The following GALNT13 variants were observed in gnomAD, a reference collection of about 807,000 sequenced individuals.
GALNT13 encodes polypeptide N-acetylgalactosaminyltransferase 13, also known as UDP-GalNAc:polypeptide N-acetylgalactosaminyltransferase 13.
GALNT13 carries 28 observed loss-of-function variants against 64.2 expected under a neutral mutation model. The ratio of observed to expected loss-of-function variants is 0.44; its 90% CI spans 0.32 to 0.60. The LOEUF is 0.60. GALNT13 is among the 20% of genes least tolerant of loss of function. The pLI, the probability that GALNT13 is intolerant of heterozygous loss-of-function variation, is 0.05. For missense variants in GALNT13, 577 were observed against 669.8 expected (o/e 0.86, Z 1.53); for synonymous variants, 214 against 224.6 (o/e 0.95, Z 0.42).
chr2:153,963,711 GTC>G (rs71396373), intron 3 of GALNT13, among the ~76,000 whole-genome samples: 7,541 of 126,726 alleles, frequency 0.06, 345 homozygotes, highest in Non-Finnish European at 0.073. Flanking sequence ...CTGTCTCTCC[GTC>G]TCTCTCTCTC....
At chr2:154,014,125 AT>A (rs1696833369) in intron 3 of GALNT13, among the ~76,000 whole-genome samples, 3 of 152,172 alleles carry the variant, frequency 2.0e-5, no homozygotes. Flanking sequence ...TGTCACCCAA[AT>A]GCAAAAGCCA....
intron 9 of GALNT13, among the ~76,000 whole-genome samples, chr2:154,365,050 A>C (rs1477946812): frequency 2.6e-5 from 4 of 152,206 alleles, no homozygotes; most frequent in South Asian, 2.1e-4. Context: ...CACCTACTAG[A>C]CAAACTAGTT....
the GALNT13 span, among the ~76,000 whole-genome samples, chr2:153,269,338 T>A: frequency 6.6e-6 from 1 of 152,170 alleles, no homozygotes. Flanking sequence ...CAAAGACAGA[T>A]CTCTAGAGCA....
the GALNT13 span, among the ~76,000 whole-genome samples, chr2:153,772,212 G>A: frequency 6.6e-6 from 1 of 152,166 alleles, no homozygotes; most frequent in African/African-American, 2.4e-5. Context: ...AGTGGCTGCC[G>A]CTTCCAGGTC....
chr2:153,661,784 A>G, the GALNT13 span, among the ~76,000 whole-genome samples: 47 of 152,302 alleles, frequency 3.1e-4, no homozygotes, highest in South Asian at 9.5e-3. Flanking sequence ...TTTATCTTTA[A>G]TACCTTTATA....
intron 9 of GALNT13, among the ~76,000 whole-genome samples, chr2:154,386,701 TGCAGACTGTTCAGTCTG>T (rs1433607231): frequency 1.3e-5 from 2 of 152,150 alleles, no homozygotes; most frequent in Non-Finnish European, 2.9e-5. Context: ...TTTGATAGCC[TGCAGACTGTTCAGTCTG>T]TGTTTGTCTC....
intron 4 of GALNT13, among the ~76,000 whole-genome samples, chr2:154,158,962 T>C (rs1030493416): frequency 2.0e-5 from 3 of 152,096 alleles, no homozygotes; most frequent in African/African-American, 7.2e-5. Flanking sequence ...ACTCCCTTAT[T>C]CTGGTATATT....
intron 1 of GALNT13, among the ~76,000 whole-genome samples, chr2:153,880,823 C>T (rs1463868564): frequency 1.4e-5 from 2 of 143,366 alleles, no homozygotes; most frequent in African/African-American, 5.4e-5. Flanking sequence ...TTTCTTTGCT[C>T]CATATCTTGT....
chr2:153,349,119 C>A, the GALNT13 span, among the ~76,000 whole-genome samples: 2 of 152,094 alleles, frequency 1.3e-5, no homozygotes, highest in South Asian at 4.1e-4. Flanking sequence ...AAAGATGGAG[C>A]TTCATGGGTC....
the GALNT13 span, among the ~76,000 whole-genome samples, chr2:153,092,924 T>A: frequency 1.3e-5 from 2 of 151,798 alleles, no homozygotes; most frequent in African/African-American, 2.4e-5. Context: ...ATCCTTGTCA[T>A]GTTCCAGACC....
chr2:154,282,844 C>A (rs1015420521), intron 8 of GALNT13, among the ~76,000 whole-genome samples: 2 of 152,098 alleles, frequency 1.3e-5, no homozygotes, highest in Non-Finnish European at 1.5e-5. Flanking sequence ...GTTATCATTA[C>A]CTCAGACTTC....
chr2:153,544,969 TA>T, the GALNT13 span, among the ~76,000 whole-genome samples: 2 of 151,866 alleles, frequency 1.3e-5, no homozygotes, highest in Admixed American at 1.3e-4. Flanking sequence ...AAGGGAGGGG[TA>T]GAAATGAAAA....
the GALNT13 span, among the ~76,000 whole-genome samples, chr2:153,201,500 A>G: frequency 2.6e-5 from 4 of 152,184 alleles, no homozygotes; most frequent in African/African-American, 9.7e-5. Context: ...GATTTATGTC[A>G]TCAGCTAGTT....
At chr2:153,844,554 C>T in the GALNT13 span, among the ~76,000 whole-genome samples, 1 of 152,230 alleles carries the variant, frequency 6.6e-6, no homozygotes, top group Admixed American at 6.5e-5. Flanking sequence ...TTCCCATATT[C>T]TTGGATAAGA....
chr2:153,569,525 T>A, the GALNT13 span, among the ~76,000 whole-genome samples: 2 of 73,316 alleles, frequency 2.7e-5, no homozygotes, highest in East Asian at 2.6e-4. Flanking sequence ...TCTTTTTTTT[T>A]TAAAAAAAAT....
chr2:153,961,121 G>GT (rs1692915844), intron 3 of GALNT13, among the ~76,000 whole-genome samples: 1 of 152,152 alleles, frequency 6.6e-6, no homozygotes, highest in Non-Finnish European at 1.5e-5. Context: ...CTTTACTCAT[G>GT]TAGTATAAGT....
chr2:154,272,857 T>G (rs1691428846), intron 8 of GALNT13, among the ~76,000 whole-genome samples: 1 of 152,172 alleles, frequency 6.6e-6, no homozygotes, highest in African/African-American at 2.4e-5. Context: ...TTCATTTTTC[T>G]TACGTGGAAA....
the GALNT13 span, among the ~76,000 whole-genome samples, chr2:153,118,578 A>G: frequency 6.6e-6 from 1 of 152,162 alleles, no homozygotes; most frequent in Non-Finnish European, 1.5e-5. Flanking sequence ...TCTGCCACAT[A>G]TCTTACTGAT....
chr2:153,569,694 G>A, the GALNT13 span, among the ~76,000 whole-genome samples: 1 of 152,088 alleles, frequency 6.6e-6, no homozygotes, highest in East Asian at 1.9e-4. Flanking sequence ...TACAAACAAT[G>A]TAATATCATT....
Sources: gnomAD v4.1 joint callset for allele counts (sites outside exome capture counted in the v4.1 genomes callset) on GRCh38, gnomAD v4.1.1 for gene constraint, MANE v1.5 for transcripts, NCBI Gene and HGNC (gene_info 2026-07-23, HGNC 2026-07-21) for gene names.